ZMYND11: variants seen among roughly 807,000 people sequenced by gnomAD.
ZMYND11 encodes the protein zinc finger MYND domain-containing protein 11.
ZMYND11 carries 9 observed loss-of-function variants against 84.9 expected under a neutral mutation model. The observed-to-expected ratio is 0.11, with a 90% CI of 0.06 to 0.18. The LOEUF is 0.18. ZMYND11 is among the 10% of genes least tolerant of loss of function. The pLI, the probability that ZMYND11 is intolerant of heterozygous loss-of-function variation, is 1.00. For synonymous variants in ZMYND11, 250 were observed against 244.1 expected (o/e 1.02, Z -0.23); for missense variants, 409 against 761.0 (o/e 0.54, Z 5.44).
intron 2 of ZMYND11, among the ~76,000 whole-genome samples, chr10:188,571 AAC>A (rs1177572683): frequency 6.8e-6 from 1 of 146,912 alleles, no homozygotes; most frequent in African/African-American, 2.5e-5. Flanking sequence ...CGGCCTGGGC[AAC>A]AGAGTGAGAC....
At chr10:171,864 A>G (rs1336632137) in intron 1 of ZMYND11, among the ~76,000 whole-genome samples, 1 of 152,224 alleles carries the variant, frequency 6.6e-6, no homozygotes, top group African/African-American at 2.4e-5. Context: ...AATGTCATAT[A>G]GGAAGTCCTA....
At chr10:153,223 CAA>C (rs1309131585) in intron 1 of ZMYND11, among the ~76,000 whole-genome samples, 2 of 152,136 alleles carry the variant, frequency 1.3e-5, no homozygotes, top group Admixed American at 6.5e-5. Flanking sequence ...CAAATTATGA[CAA>C]ATCTCTCAAA....
intron 3 of ZMYND11, 66 bp from the exon 4 acceptor site, chr10:221,129 T>C: frequency 7.0e-7 from 1 of 1,437,034 alleles, no homozygotes; most frequent in Non-Finnish European, 9.7e-7. Flanking sequence ...TTAGTTTCAA[T>C]TTTGTTCTTA....
chr10:180,649 T>C (rs1847679237), intron 2 of ZMYND11, among the ~76,000 whole-genome samples: 1 of 152,242 alleles, frequency 6.6e-6, no homozygotes, highest in South Asian at 2.1e-4. Flanking sequence ...TTCGCCCGCC[T>C]TGGCGTCCCA....
At chr10:246,069 AGACC>A (rs1469427830) in intron 10 of ZMYND11, among the ~76,000 whole-genome samples, 2 of 152,178 alleles carry the variant, frequency 1.3e-5, no homozygotes, top group Non-Finnish European at 2.9e-5. Context: ...GCCGAGAAAG[AGACC>A]AATGCCCAGG....
chr10:199,139 A>AT (rs1321493104), intron 2 of ZMYND11, among the ~76,000 whole-genome samples: 3 of 151,986 alleles, frequency 2.0e-5, no homozygotes, highest in Non-Finnish European at 4.4e-5. Context: ...TAAATGAATT[A>AT]TTTTTTTAGT....
chr10:226,591 T>C (rs1948179353), intron 4 of ZMYND11, among the ~76,000 whole-genome samples: 1 of 152,186 alleles, frequency 6.6e-6, no homozygotes, highest in Non-Finnish European at 1.5e-5. Flanking sequence ...AAAATTATCA[T>C]TAGGAAATAG....
rs1352251623 is a variant in ZMYND11, at chr10:246,807, A to G, written c.992A>G (p.Asn331Ser). 1 of 1,614,190 alleles carries G rather than the reference A, an allele frequency of 6.2e-7. No individual in the cohort carries two copies. The highest frequency in any genetic ancestry group is 1.3e-5 in the African/African-American group (1 of 75,048). The change falls in exon 11 of 15, where the codon AAC (asparagine) becomes AGC (serine). Residue 331 changes from asparagine to serine, a missense_variant. By Grantham distance (46) the Asn-to-Ser change is conservative (BLOSUM62 1). Coordinates refer to ENST00000381604, the MANE Select transcript of ZMYND11 (RefSeq NM_001370100.5). ...PSENIQDITV[N>S]IHRLHVKRSM... ...GAAAACATTCAAGATATCACAGTCAACATTCATCGGCTGCACGTGAAGCGC... is the reference window on the plus strand; with the variant it reads ...GAAAACATTCAAGATATCACAGTCAGCATTCATCGGCTGCACGTGAAGCGC...
chr10:243,691 C>T (rs1249090847), intron 10 of ZMYND11, among the ~76,000 whole-genome samples: 1 of 152,154 alleles, frequency 6.6e-6, no homozygotes, highest in African/African-American at 2.4e-5. Context: ...CAGTGAAACC[C>T]CGTCTCTACT....
chr10:198,267 A>G lies in ZMYND11; in HGVS notation c.117-11622A>G, dbSNP rs142621290. ...TATCTAGGTCTCTACCTAGCTTTAA[A>G]ATTACTAAATGTTTTACTTTACCAG... On this transcript the variant is annotated intron_variant, in intron 2 of 14. Coordinates refer to ENST00000381604, the MANE Select transcript of ZMYND11 (RefSeq NM_001370100.5). Among the ~76,000 whole-genome samples, 703 of 152,276 alleles carry G rather than the reference A, an allele frequency of 4.6e-3. 4 individuals carry two copies. The highest frequency in any genetic ancestry group is 0.016 in the African/African-American group (676 of 41,574).
At chr10:172,133 C>CAG (rs1169351136) in intron 1 of ZMYND11, among the ~76,000 whole-genome samples, 3 of 152,164 alleles carry the variant, frequency 2.0e-5, no homozygotes, top group Non-Finnish European at 4.4e-5. Context: ...TTCATGAGGG[C>CAG]AGAGCCCCCA....
At position 141,787 on chromosome 10, in the gene ZMYND11, T is replaced by G. The variant is rs1477213066; in HGVS notation, c.-20+6228T>G. ...TCTCTGAGGTTTGGTCTGCATGTTATGTTAATTTAAAATATAGGTTAAGAG... is the reference window on the plus strand; with the variant it reads ...TCTCTGAGGTTTGGTCTGCATGTTAGGTTAATTTAAAATATAGGTTAAGAG... On this transcript the variant is annotated intron_variant, in intron 1 of 14. Transcript: ENST00000381604. Among the ~76,000 whole-genome samples, 7 of 152,354 alleles carry G rather than the reference T, an allele frequency of 4.6e-5. No homozygotes were observed. The East Asian group carries it at 1.2e-3, about 25-fold the overall frequency.
rs1159030472 is a variant in ZMYND11, at chr10:200,349, CATATATGTGT to C, written c.117-9521_117-9512del. Among the ~76,000 whole-genome samples the C allele has an allele frequency of 3.1e-3, 439 of 140,670 alleles. 4 individuals carry two copies. Among genetic ancestry groups the C allele is most frequent in the African/African-American group, 0.011 (400 of 36,878 alleles). 92.3% of individuals were successfully genotyped at this position (140,670 alleles called of 152,430 possible). On this transcript the variant is annotated intron_variant, in intron 2 of 14. Transcript: ENST00000381604. ...ATATGTATTATATATAACATATATA[CATATATGTGT>C]ATATATGTGTATATATGTATATATA...
intron 1 of ZMYND11, among the ~76,000 whole-genome samples, chr10:146,683 T>C (rs1400884148): frequency 1.3e-5 from 2 of 152,216 alleles, no homozygotes; most frequent in African/African-American, 2.4e-5. Flanking sequence ...CTTAGTGATA[T>C]GGTTTGGCCA....
chr10:139,518 G>A (rs1564249295), intron 1 of ZMYND11, among the ~76,000 whole-genome samples: 1 of 152,210 alleles, frequency 6.6e-6, no homozygotes, highest in East Asian at 1.9e-4. Flanking sequence ...CCTGGAGGTT[G>A]TTCATCAGGT....
intron 1 of ZMYND11, among the ~76,000 whole-genome samples, chr10:179,125 G>A (rs895210551): frequency 3.3e-5 from 5 of 152,082 alleles, no homozygotes; most frequent in South Asian, 2.1e-4. Context: ...GTTTCAGTGC[G>A]TCCCCAATGC....
At chr10:185,809 G>A (rs1450803959) in intron 2 of ZMYND11, among the ~76,000 whole-genome samples, 4 of 53,598 alleles carry the variant, frequency 7.5e-5, no homozygotes, top group Admixed American at 2.7e-4. Context: ...GTGAAACTCC[G>A]TCTCAAAAAA....
chr10:170,102 C>A (rs1844935439), intron 1 of ZMYND11, among the ~76,000 whole-genome samples: 1 of 152,000 alleles, frequency 6.6e-6, no homozygotes, highest in East Asian at 1.9e-4. Context: ...AGAAACCATG[C>A]AAGCAGGACG....
In ZMYND11 at chr10:228,624, C is replaced by T. The variant is rs534567721; in HGVS notation, c.438+7268C>T. On this transcript the variant is annotated intron_variant, in intron 4 of 14. Coordinates refer to ENST00000381604, the MANE Select transcript of ZMYND11 (RefSeq NM_001370100.5). The stretch of plus-strand genomic sequence containing the variant: ...CAAAGAACAAGTCATATTCATGCCT[C>T]GACCTGAAGACAGACACATTTAAGT... 2.2e-4 allele frequency among the ~76,000 whole-genome samples: 33 copies of T among 152,270 alleles called. No homozygotes were observed. The South Asian group carries it at 3.7e-3, about 17-fold the overall frequency.
Sources: allele counts gnomAD v4.1 joint callset (sites outside exome capture counted in the v4.1 genomes callset), GRCh38; gene constraint gnomAD v4.1.1; transcripts MANE v1.5; gene names NCBI Gene and HGNC (gene_info 2026-07-23, HGNC 2026-07-21).